ZNF704: variants seen among roughly 807,000 people sequenced by gnomAD.
ZNF704 encodes glucocorticoid induced gene 1.
A neutral mutation model predicts 44.7 loss-of-function variants in ZNF704; 10 were observed. The observed-to-expected ratio is 0.22, with a 90% CI of 0.14 to 0.38. The LOEUF (loss-of-function observed/expected upper bound fraction) is 0.38, where lower values mean the gene tolerates loss of function less well. Among genes scored for constraint, ZNF704 ranks in the 10% least tolerant of loss-of-function variants. ZNF704 has a pLI of 1.00. For missense variants in ZNF704, 390 were observed against 545.5 expected, an observed-to-expected ratio of 0.71 and a Z score of 2.84; for synonymous variants, 211 against 207.6, an observed-to-expected ratio of 1.02 and a Z score of -0.14.
At chr8:80,654,010 GA>G (rs1397536209) in intron 7 of ZNF704, among the ~76,000 whole-genome samples, 1 of 152,168 alleles carries the variant, frequency 6.6e-6, no homozygotes, top group African/African-American at 2.4e-5. Flanking sequence ...CAATGGAACA[GA>G]ACGGAGCCCT....
intron 1 of ZNF704, among the ~76,000 whole-genome samples, chr8:80,839,568 C>A (rs184239910): frequency 1.3e-5 from 2 of 152,308 alleles, no homozygotes; most frequent in Admixed American, 1.3e-4. Context: ...TGCATATCTG[C>A]TTATCATAAA....
the ZNF704 span, among the ~76,000 whole-genome samples, chr8:80,882,421 A>G: frequency 6.6e-6 from 1 of 152,278 alleles, no homozygotes; most frequent in East Asian, 1.9e-4. Context: ...CCTTCTGCAC[A>G]TTATTTTCTT....
chr8:80,786,713 TCAGA>T (rs1480637835), intron 2 of ZNF704, among the ~76,000 whole-genome samples: 1 of 152,182 alleles, frequency 6.6e-6, no homozygotes, highest in Non-Finnish European at 1.5e-5. Context: ...GTGTGCTCAG[TCAGA>T]CAATCACCAA....
chr8:80,728,813 C>T (rs974711693), intron 2 of ZNF704, among the ~76,000 whole-genome samples: 1 of 152,096 alleles, frequency 6.6e-6, no homozygotes, highest in African/African-American at 2.4e-5. Flanking sequence ...GTTATTAATC[C>T]TCCTGAGTCC....
intron 2 of ZNF704, among the ~76,000 whole-genome samples, chr8:80,744,115 G>T (rs1346510508): frequency 6.6e-6 from 1 of 152,086 alleles, no homozygotes; most frequent in Non-Finnish European, 1.5e-5. Context: ...TTTAAAAAAA[G>T]AATCTAAACT....
rs148466606 is a variant in ZNF704 at position 80,664,865 on chromosome 8, G to T, written c.877C>A (p.Arg293Ser). Reference protein sequence around the residue: ...TETKLMTPLSRSAPTTLYLVH... With the variant: ...TETKLMTPLSSSAPTTLYLVH... ...AGGTAGAGGGTGGTGGGAGCTGAGC[G>T]GCTCAACGGCGTCATCAACTTAGTC... The change falls in exon 6 of 9, where the codon CGC becomes AGC. Residue 293 changes from arginine to serine, a missense_variant. Coordinates refer to ENST00000327835, the MANE Select transcript of ZNF704 (RefSeq NM_001033723.3). 1.7e-5 allele frequency: 27 copies of T among 1,614,064 alleles called. No individual in the cohort carries two copies. The highest frequency in any genetic ancestry group is 2.3e-5 in the Non-Finnish European group (27 of 1,180,042).
At chr8:80,677,918 G>C (rs576582864) in intron 4 of ZNF704, among the ~76,000 whole-genome samples, 1 of 152,352 alleles carries the variant, frequency 6.6e-6, no homozygotes, top group South Asian at 2.1e-4. Flanking sequence ...TTCTCAGTAT[G>C]ATTAACACTT....
chr8:80,821,446 TTTTC>T lies in ZNF704; in HGVS notation c.145_148del (p.Glu49ThrfsTer31). On this transcript the variant is annotated frameshift_variant, in exon 2 of 9. Transcript: ENST00000327835. LOFTEE classifies it high-confidence loss of function. ...CTCAAGGAGACAGATGGAGCGAGTG[TTTTC>T]TTTTTCATGGTCAAGGATCCGGCTG... 1 of 1,614,058 alleles carries T rather than the reference TTTTC, an allele frequency of 6.2e-7. No individual in the cohort carries two copies. The highest frequency in any genetic ancestry group is 8.5e-7 in the Non-Finnish European group (1 of 1,179,996).
chr8:80,878,300 G>A (rs1429273405), upstream of ZNF704, among the ~76,000 whole-genome samples: 6 of 147,484 alleles, frequency 4.1e-5, no homozygotes, highest in Non-Finnish European at 7.5e-5. Flanking sequence ...AAGGAAGGAA[G>A]GAAGGAAGGA....
chr8:80,734,066 C>T (rs1475310150), intron 2 of ZNF704, among the ~76,000 whole-genome samples: 1 of 152,156 alleles, frequency 6.6e-6, no homozygotes, highest in Non-Finnish European at 1.5e-5. Flanking sequence ...CGAAAAACTG[C>T]CAATCTACTC....
chr8:80,789,291 T>C (rs1397528797), intron 2 of ZNF704, among the ~76,000 whole-genome samples: 3 of 152,198 alleles, frequency 2.0e-5, no homozygotes, highest in Non-Finnish European at 4.4e-5. Context: ...ATTAGTATGG[T>C]CTGGTGGTGG....
intron 2 of ZNF704, among the ~76,000 whole-genome samples, chr8:80,799,811 T>C (rs1807868966): frequency 6.6e-6 from 1 of 152,074 alleles, no homozygotes; most frequent in Admixed American, 6.5e-5. Context: ...GGGCTGAGGC[T>C]GAGATGGCTG....
In ZNF704 at chr8:80,633,514, G is replaced by C. The variant is rs1817619402; in HGVS notation, c.*7852C>G. On this transcript the variant is annotated 3_prime_UTR_variant, in exon 9 of 9. Transcript: ENST00000327835. ...GGCCTGGACTGAATAGATGGTTTGAGAACATGGTGGGTCCCTGGGTCTTCT... is the reference window on the plus strand; with the variant it reads ...GGCCTGGACTGAATAGATGGTTTGACAACATGGTGGGTCCCTGGGTCTTCT... 6.6e-6 allele frequency: 1 copy of C among 152,174 alleles called. No individual in the cohort carries two copies. The highest frequency in any genetic ancestry group is 6.5e-5 in the Admixed American group (1 of 15,274). The allele number at this position is 152,174 out of a possible 1,614,324, so 9.4% of individuals were successfully genotyped here.
In ZNF704 at chr8:80,693,952, G is replaced by C. The variant is rs73693825; in HGVS notation, c.222-845C>G. The stretch of plus-strand genomic sequence containing the variant: ...AGAATAGAAGGAGGGAGGCCACTTA[G>C]GAGATGACTGCTAGGAGTCCAGGCG... On this transcript the variant is annotated intron_variant, in intron 2 of 8. Coordinates refer to ENST00000327835, the MANE Select transcript of ZNF704 (RefSeq NM_001033723.3). Among the ~76,000 whole-genome samples the C allele has an allele frequency of 1.6e-3, 241 of 152,250 alleles. 1 individual carries two copies. Among genetic ancestry groups the C allele is most frequent in the African/African-American group, 5.7e-3 (235 of 41,556 alleles).
Position 80,630,814 on chromosome 8 carries a change from T to C in ZNF704, c.*10552A>G, listed in dbSNP as rs1817571493. On this transcript the variant is annotated 3_prime_UTR_variant, in exon 9 of 9. Transcript: ENST00000327835. ...AGCCTATGTTTAAATGGCTGATCAC[T>C]GTCCAACCATTAATTACAAAAATAG... 6.6e-6 allele frequency: 1 copy of C among 152,212 alleles called. No homozygotes were observed. Among genetic ancestry groups the C allele is most frequent in the Admixed American group, 6.5e-5 (1 of 15,282 alleles). 9.4% of individuals were successfully genotyped at this position (152,212 alleles called of 1,614,324 possible).
chr8:80,773,514 A>G (rs1423633398), intron 2 of ZNF704, among the ~76,000 whole-genome samples: 1 of 152,204 alleles, frequency 6.6e-6, no homozygotes, highest in African/African-American at 2.4e-5. Context: ...AGTAAACTCA[A>G]GAGGAGAATG....
chr8:80,807,084 G>T (rs1808001701), intron 2 of ZNF704, among the ~76,000 whole-genome samples: 1 of 152,204 alleles, frequency 6.6e-6, no homozygotes, highest in Non-Finnish European at 1.5e-5. Context: ...AGCTGGGTAT[G>T]ATTCCATAGG....
Position 80,874,192 on chromosome 8 carries a change from C to A in ZNF704, c.-22+379G>T, listed in dbSNP as rs1325517422. Among the ~76,000 whole-genome samples the A allele has an allele frequency of 6.8e-6, 1 of 146,422 alleles. No individual in the cohort carries two copies. The highest frequency in any genetic ancestry group is 1.5e-5 in the Non-Finnish European group (1 of 65,852). On this transcript the variant is annotated intron_variant, in intron 1 of 8. Coordinates refer to ENST00000327835, the MANE Select transcript of ZNF704 (RefSeq NM_001033723.3). This position sits in a 1 kb window ranked among gnomAD's most constrained non-coding sequence, Gnocchi z 4.4. ...CGCCGGCCAGGACCCGCGGCTGCCA[C>A]TGGCTGCAGAGGCGCGGGCGCCGCC...
rs1481028440 is a variant in ZNF704 at position 80,630,281 on chromosome 8, TA to T, written c.*11084del. On this transcript the variant is annotated 3_prime_UTR_variant, in exon 9 of 9. Transcript: ENST00000327835. ...GTAAAATTATATTTCAAAAGATCTC[TA>T]AACATTGGACAGCATTGCCACCTAG... 2 of 152,264 alleles carry T rather than the reference TA, an allele frequency of 1.3e-5. No individual in the cohort carries two copies. Among genetic ancestry groups the T allele is most frequent in the Admixed American group, 1.3e-4 (2 of 15,290 alleles). 9.4% of individuals were successfully genotyped at this position (152,264 alleles called of 1,614,324 possible). A position where few individuals can be genotyped will look rare whatever the true frequency, so the allele number is the denominator to read the frequency against.
Sources: gnomAD v4.1 joint callset for allele counts (sites outside exome capture counted in the v4.1 genomes callset) on GRCh38, gnomAD v4.1.1 for gene constraint, Gnocchi (gnomAD v3.1) non-coding constraint, MANE v1.5 for transcripts, NCBI Gene and HGNC (gene_info 2026-07-23, HGNC 2026-07-21) for gene names.